CHIA: variants seen among roughly 807,000 people sequenced by gnomAD.
CHIA encodes the protein acidic mammalian chitinase.
Under a neutral mutation model 53.5 loss-of-function variants are expected in CHIA, and 47 were observed. The observed-to-expected ratio is 0.88, with a 90% CI of 0.70 to 1.12. The LOEUF is 1.12. Ranked by LOEUF, CHIA falls within the 50% of genes most tolerant of loss-of-function variation. CHIA has a pLI of 0.00. For synonymous variants in CHIA, 268 were observed against 222.2 expected, an observed-to-expected ratio of 1.21 and a Z score of -1.83; for missense variants, 652 against 592.2, an observed-to-expected ratio of 1.10 and a Z score of -1.05.
intron 2 of CHIA, 145 bp downstream of exon 2, chr1:111,310,637 G>T (rs1648592372): frequency 1.3e-6 from 2 of 1,482,338 alleles, no homozygotes; most frequent in Non-Finnish European, 8.9e-7. Context: ...AATGAATCTT[G>T]TTATATACAA....
chr1:111,310,785 C>G (rs896769495), intron 2 of CHIA, among the ~76,000 whole-genome samples: 1 of 152,144 alleles, frequency 6.6e-6, no homozygotes, highest in Non-Finnish European at 1.5e-5. Context: ...TTTGTTCAGC[C>G]ATTCATTTTT....
chr1:111,314,564 G>C lies in CHIA; in HGVS notation c.282G>C (p.Leu94=). 1 of 1,613,162 alleles carries C rather than the reference G, an allele frequency of 6.2e-7. No individual in the cohort carries two copies. The highest frequency in any genetic ancestry group is 8.5e-7 in the Non-Finnish European group (1 of 1,179,134). ...GGAACAGCCAGCTGAAAACTCTCCT[G>C]GCCATTGGAGGCTGGAACTTCGGGA... ...KNKNSQLKTL[L]AIGGWNFGTA... is the part of the protein sequence containing the mutation. The change falls in exon 5 of 12, where the codon CTG becomes CTC. Residue 94 remains leucine (L), a synonymous_variant. Transcript: ENST00000369740.
chr1:111,319,548 T>TC (rs1317906897), intron 11 of CHIA, 80 bp downstream of exon 11: 1 of 1,350,080 alleles, frequency 7.4e-7, no homozygotes, highest in Non-Finnish European at 1.0e-6. Flanking sequence ...TCTTCCCACC[T>TC]CCCCCTTGCC....
chr1:111,314,405 T>A, intron 4 of CHIA, 135 bp from the exon 5 acceptor site: 1 of 586,604 alleles, frequency 1.7e-6, no homozygotes, highest in East Asian at 3.0e-5. Context: ...AAGGAAGTTT[T>A]CAGTAGGGGA....
rs899300219 is a variant in CHIA at position 111,306,148 on chromosome 1, T to C, written c.-68-4252T>C. On this transcript the variant is annotated intron_variant, in intron 1 of 11. Coordinates refer to ENST00000369740, the MANE Select transcript of CHIA (RefSeq NM_201653.4). ...CTTAAAATCATGAAGATTTTCATTTTTTCCAATGTTATTCCATGTAATTCC... is the reference window on the plus strand; with the variant it reads ...CTTAAAATCATGAAGATTTTCATTTCTTCCAATGTTATTCCATGTAATTCC... Among the ~76,000 whole-genome samples the C allele has an allele frequency of 4.3e-4, 65 of 152,352 alleles. 1 individual carries two copies. The highest frequency in any genetic ancestry group is 1.5e-3 in the African/African-American group (64 of 41,584).
intron 1 of CHIA, among the ~76,000 whole-genome samples, chr1:111,298,939 A>G (rs1037067984): frequency 2.6e-5 from 4 of 152,228 alleles, no homozygotes; most frequent in African/African-American, 4.8e-5. Context: ...ACAAACTACC[A>G]TCAGAGAATA....
chr1:111,312,969 A>C (rs974958099), intron 4 of CHIA, among the ~76,000 whole-genome samples: 1 of 152,218 alleles, frequency 6.6e-6, no homozygotes, highest in Non-Finnish European at 1.5e-5. Flanking sequence ...ATATTGCTGC[A>C]AATGACAGGA....
intron 6 of CHIA, chr1:111,315,903 T>TCTG (rs771388027): frequency 6.7e-6 from 3 of 449,886 alleles, no homozygotes; most frequent in Non-Finnish European, 8.9e-6. Flanking sequence ...ATTGTCAGGC[T>TCTG]AAATATAAGA....
At position 111,317,702 on chromosome 1, in the gene CHIA, CA is replaced by C; in HGVS notation, c.503del (p.Gln168ArgfsTer11). The C allele has an allele frequency of 6.2e-7, 1 of 1,614,112 alleles. No homozygotes were observed. The highest frequency in any genetic ancestry group is 2.2e-5 in the East Asian group (1 of 44,890). On this transcript the variant is annotated frameshift_variant, in exon 7 of 12. Transcript: ENST00000369740. LOFTEE classifies it high-confidence loss of function. The stretch of plus-strand genomic sequence containing the variant: ...GTAGGAAATGCGTGAAGCTTTTGAG[CA>C]GGAGGCCAAGCAGATCAACAAGCCC... ...LVQEMREAFE[Q>X]EAKQINKPRL...
chr1:111,308,986 T>C (rs577777327), intron 1 of CHIA, among the ~76,000 whole-genome samples: 14 of 152,286 alleles, frequency 9.2e-5, no homozygotes, highest in East Asian at 7.7e-4. Flanking sequence ...ATTTTCACAA[T>C]TGAAATGTTC....
intron 1 of CHIA, among the ~76,000 whole-genome samples, chr1:111,302,777 T>C (rs1425701010): frequency 6.6e-6 from 1 of 152,170 alleles, no homozygotes; most frequent in Non-Finnish European, 1.5e-5. Flanking sequence ...TGGTTTATTA[T>C]GTTGTTTAGG....
In CHIA at chr1:111,314,592, G is replaced by A; in HGVS notation, c.310G>A (p.Ala104Thr). ...CATTGGAGGCTGGAACTTCGGGACT[G>A]CCCCGTAAGTCTTCTATGGAGAGCA... ...LAIGGWNFGT[A>T]PFTAMVSTPE... is the part of the protein sequence containing the mutation. Residue 104 changes from alanine to threonine, a missense_variant, in exon 5 of 12, where the codon GCC becomes ACC. Physicochemically the swap from Ala to Thr is moderately conservative, Grantham distance 58. Transcript: ENST00000369740. 1 of 1,612,080 alleles carries A rather than the reference G, an allele frequency of 6.2e-7. No individual in the cohort carries two copies. The highest frequency in any genetic ancestry group is 8.5e-7 in the Non-Finnish European group (1 of 1,178,158).
At chr1:111,295,852 C>T (rs1165996068) in intron 1 of CHIA, among the ~76,000 whole-genome samples, 2 of 152,218 alleles carry the variant, frequency 1.3e-5, no homozygotes, top group Admixed American at 1.3e-4. Context: ...GGGACACTCC[C>T]ACCCAAATAC....
In CHIA at chr1:111,318,400, A is replaced by G. The variant is rs535606021; in HGVS notation, c.730-93A>G. On this transcript the variant is annotated intron_variant, in intron 8 of 11. Coordinates refer to ENST00000369740, the MANE Select transcript of CHIA (RefSeq NM_201653.4). ...TACTAATCCATCTGGAATTAACAGC[A>G]TAGAGTTTTACCTGTCGGAATAGGG... 4.1e-5 allele frequency: 45 copies of G among 1,109,416 alleles called. No individual in the cohort carries two copies. The Admixed American group carries it at 7.7e-4, about 19-fold the overall frequency. The allele number at this position is 1,109,416 out of a possible 1,614,324, so 68.7% of individuals were successfully genotyped here.
At chr1:111,299,573 T>G (rs888296511) in intron 1 of CHIA, among the ~76,000 whole-genome samples, 8 of 152,300 alleles carry the variant, frequency 5.3e-5, no homozygotes, top group African/African-American at 1.9e-4. Flanking sequence ...AAACTAGGTA[T>G]TGATGGAATG....
intron 1 of CHIA, among the ~76,000 whole-genome samples, chr1:111,305,989 A>G (rs1371259156): frequency 6.6e-6 from 1 of 152,240 alleles, no homozygotes; most frequent in Non-Finnish European, 1.5e-5. Context: ...CATCTATAAC[A>G]GAGACAAAAT....
intron 5 of CHIA, chr1:111,315,061 G>C (rs1027450411): frequency 3.7e-5 from 19 of 517,764 alleles, no homozygotes; most frequent in Non-Finnish European, 6.2e-5. Flanking sequence ...AGCAGAGTTG[G>C]GGGGATAACA....
intron 1 of CHIA, among the ~76,000 whole-genome samples, chr1:111,299,623 G>A (rs1332677447): frequency 2.0e-5 from 3 of 152,114 alleles, no homozygotes; most frequent in Non-Finnish European, 2.9e-5. Context: ...CAAACCCACA[G>A]CCAATATCAC....
intron 6 of CHIA, 128 bp from the exon 7 acceptor site, chr1:111,317,553 A>G (rs1214991255): frequency 9.6e-7 from 1 of 1,042,272 alleles, no homozygotes; most frequent in Non-Finnish European, 1.4e-6. Flanking sequence ...TTGAGAGACT[A>G]AAGTAAAATA....
Sources: allele counts gnomAD v4.1 joint callset (sites outside exome capture counted in the v4.1 genomes callset), GRCh38; gene constraint gnomAD v4.1.1; transcripts MANE v1.5; gene names NCBI Gene and HGNC (gene_info 2026-07-23, HGNC 2026-07-21).